The following CTXN2 variants were observed in gnomAD, a reference collection of about 807,000 sequenced individuals.
CTXN2 encodes the protein cortexin 2.
In CTXN2, 3 loss-of-function variants were observed where a neutral mutation model predicts 5.7. The ratio of observed to expected loss-of-function variants is 0.53; its 90% confidence interval spans 0.24 to 1.36. CTXN2 has a LOEUF of 1.36. CTXN2 is among the 40% of genes most tolerant of loss of function. CTXN2 has a pLI of 0.17. For missense variants in CTXN2, 87 were observed against 93.0 expected (o/e 0.94, Z 0.26); for synonymous variants, 38 against 36.4 (o/e 1.04, Z -0.16).
rs1402590929 is a variant in CTXN2, at chr15:48,203,625, C to G, written c.*2079C>G. The G allele has an allele frequency of 6.0e-6, 1 of 166,814 alleles. No homozygotes were observed. The highest frequency in any genetic ancestry group is 1.9e-4 in the East Asian group (1 of 5,178). The allele number at this position is 166,814 out of a possible 1,614,324, so 10.3% of individuals were successfully genotyped here. A position where few individuals can be genotyped will look rare whatever the true frequency, so the allele number is the denominator to read the frequency against. ...ATCTTTATTTCAAAGGAAGAAAGAC[C>G]TCTACAACCAAGAAAACTTTATGAA... On this transcript the variant is annotated 3_prime_UTR_variant, in exon 2 of 2. Coordinates refer to ENST00000417307, the MANE Select transcript of CTXN2 (RefSeq NM_001145668.2).
chr15:48,185,295 A>G (rs1010903649), intron 1 of CTXN2, among the ~76,000 whole-genome samples: 2 of 152,168 alleles, frequency 1.3e-5, no homozygotes, highest in Non-Finnish European at 2.9e-5. Context: ...TGTACTTAAT[A>G]ATAATGTAAC....
chr15:48,201,196 C>G lies in CTXN2; in HGVS notation c.-57-48C>G, dbSNP rs148081409. On this transcript the variant is annotated intron_variant, in intron 1 of 1. Transcript: ENST00000417307. ...AGATTTTATTAAGCAACAACCTACC[C>G]AATACCATACAAGGGTAAAACTAAA... The G allele has an allele frequency of 2.1e-3, 2,408 of 1,172,130 alleles. 87 individuals are homozygous for G. The Admixed American group carries it at 0.05, about 24-fold the overall frequency. 72.6% of individuals were successfully genotyped at this position (1,172,130 alleles called of 1,614,324 possible).
chr15:48,193,124 G>A (rs1396500677), intron 1 of CTXN2, among the ~76,000 whole-genome samples: 4 of 151,928 alleles, frequency 2.6e-5, no homozygotes, highest in African/African-American at 9.7e-5. Flanking sequence ...CATGAGATTT[G>A]GGCTATTTGA....
At chr15:48,188,376 A>G (rs1000834612), upstream of CTXN2, among the ~76,000 whole-genome samples, 11 of 152,138 alleles carry the variant, frequency 7.2e-5, no homozygotes, top group Non-Finnish European at 1.3e-4. Context: ...AGAACATACC[A>G]CTTTACCCTG....
chr15:48,180,847 A>G (rs1597377457), intron 1 of CTXN2, among the ~76,000 whole-genome samples: 1 of 152,294 alleles, frequency 6.6e-6, no homozygotes, highest in African/African-American at 2.4e-5. Flanking sequence ...TTTTTAGTGC[A>G]TGTAGGTACA....
At position 48,201,415 on chromosome 15, in the gene CTXN2, A is replaced by G. The variant is rs547332844; in HGVS notation, c.115A>G (p.Ile39Val). ...CTTTGCTTTTGTTGGGATTTTGTGT[A>G]TCTTCTTGGGACTTCTTATTATCCG... ...TGFAFVGILC[I>V]FLGLLIIRCF... Residue 39 changes from isoleucine to valine, a missense_variant, in exon 2 of 2, where the codon ATC (isoleucine) becomes GTC (valine). Coordinates refer to ENST00000417307, the MANE Select transcript of CTXN2 (RefSeq NM_001145668.2). 3.6e-4 allele frequency: 561 copies of G among 1,551,418 alleles called. No homozygotes were observed. Among genetic ancestry groups the G allele is most frequent in the Non-Finnish European group, 4.5e-4 (513 of 1,146,774 alleles).
intron 1 of CTXN2, among the ~76,000 whole-genome samples, chr15:48,183,246 A>G (rs2040715891): frequency 6.6e-6 from 1 of 152,232 alleles, no homozygotes; most frequent in Admixed American, 6.5e-5. Flanking sequence ...CTATGTGTGC[A>G]ATCGTGCTTT....
intron 1 of CTXN2, among the ~76,000 whole-genome samples, chr15:48,182,614 A>AAT (rs746520773): frequency 1.4e-4 from 21 of 152,208 alleles, no homozygotes; most frequent in Non-Finnish European, 2.2e-4. Flanking sequence ...AAACATGCAG[A>AAT]ATATATATAT....
chr15:48,192,089 G>A (rs925097915), intron 1 of CTXN2: 6 of 303,360 alleles, frequency 2.0e-5, no homozygotes, highest in African/African-American at 4.4e-5. Flanking sequence ...GCCAGGCGGG[G>A]GAAAAGTGTT....
At chr15:48,197,275 A>G (rs1469520979) in intron 1 of CTXN2, among the ~76,000 whole-genome samples, 1 of 152,012 alleles carries the variant, frequency 6.6e-6, no homozygotes, top group East Asian at 1.9e-4. Flanking sequence ...TCTAGACATC[A>G]TTCAGGGCAA....
At chr15:48,181,320 C>G (rs535563966) in intron 1 of CTXN2, among the ~76,000 whole-genome samples, 26 of 152,154 alleles carry the variant, frequency 1.7e-4, no homozygotes, top group Non-Finnish European at 3.5e-4. Flanking sequence ...TAAGGTTGCC[C>G]TATGACCCAA....
intron 1 of CTXN2, among the ~76,000 whole-genome samples, chr15:48,195,982 A>G (rs2040875724): frequency 6.6e-6 from 1 of 152,148 alleles, no homozygotes; most frequent in East Asian, 1.9e-4. Flanking sequence ...CTACTAGAGC[A>G]TACTAGCAAC....
At chr15:48,192,709 T>G (rs756941166) in intron 1 of CTXN2, among the ~76,000 whole-genome samples, 42 of 152,326 alleles carry the variant, frequency 2.8e-4, no homozygotes, top group Admixed American at 7.8e-4. Flanking sequence ...CTAAAATACT[T>G]TCTACCTAGA....
In CTXN2 at chr15:48,201,664, C is replaced by A; in HGVS notation, c.*118C>A. The A allele has an allele frequency of 1.1e-6, 1 of 950,696 alleles. No individual in the cohort carries two copies. Among genetic ancestry groups the A allele is most frequent in the South Asian group, 1.7e-5 (1 of 57,482 alleles). The allele number at this position is 950,696 out of a possible 1,614,324, so 58.9% of individuals were successfully genotyped here. On this transcript the variant is annotated 3_prime_UTR_variant, in exon 2 of 2. Transcript: ENST00000417307. ...TTTGTTCAGTGAATTCAATAAACAT[C>A]TGTGACTAATTTCTTCACCATGCTG...
intron 1 of CTXN2, among the ~76,000 whole-genome samples, chr15:48,194,494 A>G (rs901130277): frequency 6.6e-5 from 10 of 152,128 alleles, no homozygotes; most frequent in African/African-American, 2.4e-4. Flanking sequence ...AATAATTCTG[A>G]ATGCCAACCA....
Position 48,201,314 on chromosome 15 carries a change from A to G in CTXN2, c.14A>G (p.Tyr5Cys). The G allele has an allele frequency of 6.4e-7, 1 of 1,551,276 alleles. No individual in the cohort carries two copies. Among genetic ancestry groups the G allele is most frequent in the Non-Finnish European group, 8.7e-7 (1 of 1,146,656 alleles). ...TGCCAGTGAATAATGAGTAGTACCT[A>G]CTGTGGCAACTCTTCAGCTAAGATG... MSST[Y>C]CGNSSAKMSV... The change falls in exon 2 of 2, where the codon TAC becomes TGC. Residue 5 changes from tyrosine (Y) to cysteine (C), a missense_variant. Transcript: ENST00000417307.
chr15:48,197,529 T>C (rs1411303183), intron 1 of CTXN2, among the ~76,000 whole-genome samples: 1 of 152,096 alleles, frequency 6.6e-6, no homozygotes, highest in African/African-American at 2.4e-5. Flanking sequence ...AGTTCACCAC[T>C]GTACTCTAGT....
At chr15:48,188,790 T>A (rs572742012), upstream of CTXN2, among the ~76,000 whole-genome samples, 3 of 152,178 alleles carry the variant, frequency 2.0e-5, no homozygotes, top group South Asian at 6.2e-4. Flanking sequence ...TTTCAGCAAT[T>A]TTTTTTGTAA....
intron 1 of CTXN2, among the ~76,000 whole-genome samples, chr15:48,194,222 T>G (rs1555462630): frequency 2.0e-5 from 3 of 152,018 alleles, no homozygotes; most frequent in Non-Finnish European, 4.4e-5. Context: ...CCATTTTTTT[T>G]TTGTTAAAAA....
Sources: gnomAD v4.1 joint callset for allele counts (sites outside exome capture counted in the v4.1 genomes callset) on GRCh38, gnomAD v4.1.1 for gene constraint, MANE v1.5 for transcripts, NCBI Gene and HGNC (gene_info 2026-07-23, HGNC 2026-07-21) for gene names.